Variants in ADGRL3 observed in about 807,000 individuals in gnomAD.
ADGRL3 encodes the protein adhesion G protein-coupled receptor L3.
In ADGRL3, 62 loss-of-function variants were observed where a neutral mutation model predicts 153.5. The observed-to-expected ratio is 0.40, with a 90% CI of 0.33 to 0.50. ADGRL3 has a LOEUF of 0.50. Ranked by LOEUF, ADGRL3 falls within the 20% of genes least tolerant of loss-of-function variation. ADGRL3 has a pLI of 0.47. For synonymous variants in ADGRL3, 710 were observed against 672.5 expected (o/e 1.06, Z -0.86); for missense variants, 1,641 against 1,859.4 (o/e 0.88, Z 2.16).
intron 5 of ADGRL3, among the ~76,000 whole-genome samples, chr4:61,670,887 A>G (rs181521268): frequency 5.3e-4 from 80 of 152,254 alleles, no homozygotes; most frequent in African/African-American, 1.9e-3. Context: ...AATTATAAGG[A>G]GTTCAGGGTC....
intron 4 of ADGRL3, among the ~76,000 whole-genome samples, chr4:61,521,287 A>C (rs910431737): frequency 6.6e-6 from 1 of 152,188 alleles, no homozygotes; most frequent in African/African-American, 2.4e-5. Context: ...TGAGTAGACG[A>C]AACAGCAACA....
chr4:61,262,217 T>A (rs927040450), intron 1 of ADGRL3, among the ~76,000 whole-genome samples: 13 of 152,202 alleles, frequency 8.5e-5, no homozygotes, highest in Non-Finnish European at 1.6e-4. Context: ...TATGACAATG[T>A]AATTATAATA....
rs183324210 is a variant in ADGRL3 at position 61,390,987 on chromosome 4, A to G, written c.-174+7798A>G. ...GCCCCAATAATTCATTCCTTTTTAA[A>G]TTGCTGATTAATATTTTATTGTATA... On this transcript the variant is annotated intron_variant, in intron 2 of 26. Coordinates refer to ENST00000683033, the MANE Select transcript of ADGRL3 (RefSeq NM_001387552.1). 3.3e-5 allele frequency among the ~76,000 whole-genome samples: 5 copies of G among 152,226 alleles called. No homozygotes were observed. The East Asian group carries it at 9.7e-4, about 29-fold the overall frequency.
chr4:61,979,501 T>TA, intron 17 of ADGRL3, 62 bp from the exon 18 acceptor site: 3 of 1,362,708 alleles, frequency 2.2e-6, no homozygotes, highest in Non-Finnish European at 3.1e-6. Context: ...TCCAGGCCCT[T>TA]ATAAAACTTT....
chr4:61,963,378 T>C (rs545649662), intron 17 of ADGRL3, among the ~76,000 whole-genome samples: 97 of 152,058 alleles, frequency 6.4e-4, no homozygotes, highest in Admixed American at 1.1e-3. Context: ...ATCAACAGAG[T>C]ACCTGATAGG....
At chr4:61,458,461 A>C (rs1275779466) in intron 2 of ADGRL3, among the ~76,000 whole-genome samples, 1 of 151,234 alleles carries the variant, frequency 6.6e-6, no homozygotes, top group Non-Finnish European at 1.5e-5. Flanking sequence ...TTGTACTAAA[A>C]ATATACTAAT....
At chr4:61,952,416 C>T (rs1032543647) in intron 17 of ADGRL3, among the ~76,000 whole-genome samples, 1 of 150,546 alleles carries the variant, frequency 6.6e-6, no homozygotes, top group Non-Finnish European at 1.5e-5. Context: ...GAGGTTGAGG[C>T]TGCAGTGAGC....
chr4:61,290,156 T>C (rs2094116815), intron 1 of ADGRL3, among the ~76,000 whole-genome samples: 1 of 152,100 alleles, frequency 6.6e-6, no homozygotes, highest in African/African-American at 2.4e-5. Flanking sequence ...CTAGGCTCCA[T>C]AATTGTATCT....
intron 1 of ADGRL3, among the ~76,000 whole-genome samples, chr4:61,321,317 C>T (rs1305186408): frequency 6.6e-5 from 10 of 152,028 alleles, no homozygotes; most frequent in Non-Finnish European, 1.5e-5. Context: ...GTAGTCCCAG[C>T]GTTTCCTCTT....
intron 12 of ADGRL3, among the ~76,000 whole-genome samples, chr4:61,910,981 C>A (rs1235579974): frequency 1.3e-5 from 2 of 150,782 alleles, no homozygotes; most frequent in Non-Finnish European, 3.0e-5. Context: ...ATTTTTCATT[C>A]TGAGCATAAA....
At chr4:61,774,422 A>G (rs1452769604) in intron 8 of ADGRL3, among the ~76,000 whole-genome samples, 2 of 151,786 alleles carry the variant, frequency 1.3e-5, no homozygotes, top group Non-Finnish European at 2.9e-5. Flanking sequence ...AAAAATAAAA[A>G]TAAAAAATAA....
chr4:61,603,996 C>T (rs1023512023), intron 5 of ADGRL3, among the ~76,000 whole-genome samples: 1 of 152,128 alleles, frequency 6.6e-6, no homozygotes, highest in African/African-American at 2.4e-5. Flanking sequence ...ATTGGAGATC[C>T]TGCATGAGAG....
intron 4 of ADGRL3, among the ~76,000 whole-genome samples, chr4:61,529,767 A>G (rs1397115551): frequency 6.6e-6 from 1 of 152,076 alleles, no homozygotes; most frequent in African/African-American, 2.4e-5. Flanking sequence ...AGTTTAGCAT[A>G]AATGTATGCA....
In ADGRL3 at chr4:61,259,911, A is replaced by AT. The variant is rs1313996186; in HGVS notation, c.-240+58148dup. Among the ~76,000 whole-genome samples, 3 of 152,172 alleles carry AT rather than the reference A, an allele frequency of 2.0e-5. No individual in the cohort carries two copies. In the East Asian group the frequency reaches 5.8e-4, roughly 29 times the overall value. Reference sequence around the variant, plus strand: ...CAATTTCAAAAATCATTACTTTATGATTCAATTTAGGAAGCATTTGAATAA... The same window carrying AT: ...CAATTTCAAAAATCATTACTTTATGATTTCAATTTAGGAAGCATTTGAATAA... On this transcript the variant is annotated intron_variant, in intron 1 of 26. Transcript: ENST00000683033.
chr4:61,840,166 G>T lies in ADGRL3; in HGVS notation c.1480+26277G>T, dbSNP rs971067654. 1.3e-5 allele frequency among the ~76,000 whole-genome samples: 2 copies of T among 152,122 alleles called. 1 individual carries two copies. Among genetic ancestry groups the T allele is most frequent in the South Asian group, 4.1e-4 (2 of 4,826 alleles). ...GCAATCTCGCCTCCCTGCAACCAGT[G>T]CCTCCTGGGTTCAAGCCATTCTCCT... On this transcript the variant is annotated intron_variant, in intron 9 of 26. Coordinates refer to ENST00000683033, the MANE Select transcript of ADGRL3 (RefSeq NM_001387552.1).
chr4:61,632,392 A>T (rs182937711), intron 5 of ADGRL3, among the ~76,000 whole-genome samples: 4 of 152,306 alleles, frequency 2.6e-5, no homozygotes, highest in African/African-American at 9.6e-5. Context: ...GAAAGAAAGC[A>T]ATAGTCATCA....
chr4:61,446,065 G>A (rs963903642), intron 2 of ADGRL3, among the ~76,000 whole-genome samples: 5 of 152,108 alleles, frequency 3.3e-5, no homozygotes, highest in Admixed American at 3.3e-4. Context: ...CAGGTATGTG[G>A]TGTCGGCACA....
intron 1 of ADGRL3, among the ~76,000 whole-genome samples, chr4:61,354,602 G>A (rs890209561): frequency 6.6e-6 from 1 of 151,538 alleles, no homozygotes; most frequent in Non-Finnish European, 1.5e-5. Context: ...GTGTGTGTGC[G>A]CTTTAGTGAC....
chr4:61,513,087 G>T (rs1361124328), intron 3 of ADGRL3, among the ~76,000 whole-genome samples: 1 of 152,060 alleles, frequency 6.6e-6, no homozygotes, highest in Non-Finnish European at 1.5e-5. Context: ...TTTGTTTTTA[G>T]CATTTCTCTC....
Sources: gnomAD v4.1 joint callset for allele counts (sites outside exome capture counted in the v4.1 genomes callset) on GRCh38, gnomAD v4.1.1 for gene constraint, MANE v1.5 for transcripts, NCBI Gene and HGNC (gene_info 2026-07-23, HGNC 2026-07-21) for gene names.